SYCP2: variants seen among roughly 807,000 people sequenced by gnomAD.
The protein encoded by SYCP2 is synaptonemal complex protein 2.
In SYCP2, 55 loss-of-function variants were observed where a neutral mutation model predicts 211.3. The ratio of observed to expected loss-of-function variants is 0.26; its 90% CI spans 0.21 to 0.33. SYCP2 has a LOEUF of 0.33. Ranked by LOEUF, SYCP2 falls within the 10% of genes least tolerant of loss-of-function variation. The probability of loss-of-function intolerance (pLI) is 1.00; values close to 1 mark genes in which losing one functional copy is unlikely to be tolerated. For missense variants in SYCP2, 1,731 were observed against 1,752.0 expected, an observed-to-expected ratio of 0.99 and a Z score of 0.21; for synonymous variants, 570 against 555.2, an observed-to-expected ratio of 1.03 and a Z score of -0.37.
At chr20:59,931,417 C>T (rs1220041587) in intron 2 of SYCP2, among the ~76,000 whole-genome samples, 3 of 152,176 alleles carry the variant, frequency 2.0e-5, no homozygotes, top group Non-Finnish European at 2.9e-5. Context: ...CATAGCCATA[C>T]ATGTAGTTTT....
chr20:59,866,902 C>T lies in SYCP2; in HGVS notation c.4126-313G>A, dbSNP rs374483986. On this transcript the variant is annotated intron_variant, in intron 39 of 44. Coordinates refer to ENST00000357552, the MANE Select transcript of SYCP2 (RefSeq NM_014258.4). ...CTTCAAAGACACAGCCTAAAAGTCA[C>T]ACTCAGAATTTTTTAAAACCATTTT... 7.4e-5 allele frequency among the ~76,000 whole-genome samples: 11 copies of T among 149,202 alleles called. No homozygotes were observed. The East Asian group carries it at 2.2e-3, about 30-fold the overall frequency.
chr20:59,919,564 T>C lies in SYCP2; in HGVS notation c.331A>G (p.Ile111Val), dbSNP rs1251768010. ...TCTTTTGAATTTCCTTGACTCTGAATAATGTCCTTGGATTTTTCAAACCAG... is the reference window on the plus strand; with the variant it reads ...TCTTTTGAATTTCCTTGACTCTGAACAATGTCCTTGGATTTTTCAAACCAG... The part of the protein sequence containing the change: ...VAWFEKSKDI[I>V]QSQGNSKDEA... Residue 111 changes from isoleucine (I) to valine (V), a missense_variant, in exon 6 of 45, where the codon ATT (isoleucine) becomes GTT (valine). Coordinates refer to ENST00000357552, the MANE Select transcript of SYCP2 (RefSeq NM_014258.4). 6.2e-7 allele frequency: 1 copy of C among 1,610,012 alleles called. No homozygotes were observed. Among genetic ancestry groups the C allele is most frequent in the Admixed American group, 1.7e-5 (1 of 59,584 alleles).
chr20:59,881,905 C>T lies in SYCP2; in HGVS notation c.2658+40G>A, dbSNP rs758195217. On this transcript the variant is annotated intron_variant, in intron 28 of 44. Coordinates refer to ENST00000357552, the MANE Select transcript of SYCP2 (RefSeq NM_014258.4). ...TAACTGCATGGTAAATGCAATGTAA[C>T]TTCTGAGTAAATACAAAGTATCTTG... 23 of 1,523,344 alleles carry T rather than the reference C, an allele frequency of 1.5e-5. No homozygotes were observed. The South Asian group carries it at 2.5e-4, about 17-fold the overall frequency. 94.4% of individuals were successfully genotyped at this position (1,523,344 alleles called of 1,614,324 possible). A position where few individuals can be genotyped will look rare whatever the true frequency, so the allele number is the denominator to read the frequency against.
Position 59,892,138 on chromosome 20 carries a change from T to C in SYCP2, c.2216A>G (p.Tyr739Cys), listed in dbSNP as rs367901105. 3.8e-5 allele frequency: 61 copies of C among 1,612,102 alleles called. No homozygotes were observed. Among genetic ancestry groups the C allele is most frequent in the Non-Finnish European group, 4.9e-5 (58 of 1,178,978 alleles). The change falls in exon 24 of 45, where the codon TAT becomes TGT. Residue 739 changes from tyrosine (Y) to cysteine (C), a missense_variant. Coordinates refer to ENST00000357552, the MANE Select transcript of SYCP2 (RefSeq NM_014258.4). The part of the protein sequence containing the change: ...LNKTIEESLI[Y>C]RKKYILSKDV... ...TTTTGACAATATGTATTTCTTCCTA[T>C]ATATCAGCGATTCTTCAATTGTCTT... is the stretch of plus-strand genomic sequence containing the variant.
rs756185737 is a variant in SYCP2 at position 59,892,444 on chromosome 20, AAATT to A, written c.1928-22_1928-19del. On this transcript the variant is annotated intron_variant, in intron 23 of 44. Coordinates refer to ENST00000357552, the MANE Select transcript of SYCP2 (RefSeq NM_014258.4). The stretch of plus-strand genomic sequence containing the variant: ...AACAATATCTATTGGGGAAAATGAG[AAATT>A]AATTCTTTTTAAATTAATAAGTTGA... The A allele has an allele frequency of 8.2e-6, 12 of 1,462,520 alleles. No individual in the cohort carries two copies. Among genetic ancestry groups the A allele is most frequent in the Middle Eastern group, 1.8e-4 (1 of 5,466 alleles). 90.6% of individuals were successfully genotyped at this position (1,462,520 alleles called of 1,614,324 possible).
intron 24 of SYCP2, among the ~76,000 whole-genome samples, chr20:59,889,959 G>A (rs2059872481): frequency 1.3e-5 from 2 of 152,186 alleles, no homozygotes; most frequent in South Asian, 4.1e-4. Context: ...ACTGTTGGGA[G>A]TGTAAATTTG....
chr20:59,866,540 G>A lies in SYCP2; in HGVS notation c.4175C>T (p.Ala1392Val), dbSNP rs1360684050. ...ATTCATTGTTCTCAGATGTTGCTGA[G>A]CTGTTTTCCAAGACTGCGTAGTAAA... ...SYFTTQSWKT[A>V]QQHLRTMNHQ... The change falls in exon 40 of 45, where the codon GCT (alanine) becomes GTT (valine). Residue 1392 changes from alanine (A) to valine (V), a missense_variant. This residue lies in a region of SYCP2 where 1,387 missense variants were observed against 1,351.3 expected (regional missense o/e 1.03). Coordinates refer to ENST00000357552, the MANE Select transcript of SYCP2 (RefSeq NM_014258.4). 3 of 1,606,924 alleles carry A rather than the reference G, an allele frequency of 1.9e-6. No individual in the cohort carries two copies. The highest frequency in any genetic ancestry group is 2.5e-6 in the Non-Finnish European group (3 of 1,177,472).
Position 59,915,193 on chromosome 20 carries a change from A to C in SYCP2, c.606T>G (p.Ser202Arg). The C allele has an allele frequency of 6.3e-7, 1 of 1,579,238 alleles. No homozygotes were observed. The highest frequency in any genetic ancestry group is 8.7e-7 in the Non-Finnish European group (1 of 1,150,172). Reference protein sequence around the residue: ...SNQEMLILMSSMGERILDAGD... With the variant: ...SNQEMLILMSRMGERILDAGD... ...CAGCATCTAAAATCCTTTCTCCCAT[A>C]CTACTCCTGTGAATTAAAATAACAG... is the stretch of plus-strand genomic sequence containing the variant. Residue 202 changes from serine to arginine, a missense_variant, in exon 10 of 45, where the codon AGT becomes AGG. Physicochemically the swap from Ser to Arg is moderately radical, Grantham distance 110. This residue lies in a region of SYCP2 where 335 missense variants were observed against 378.8 expected (regional missense o/e 0.88). Transcript: ENST00000357552.
chr20:59,890,849 C>A (rs556231971), intron 24 of SYCP2, among the ~76,000 whole-genome samples: 56 of 151,806 alleles, frequency 3.7e-4, no homozygotes, highest in Admixed American at 1.4e-3. Context: ...AAAGACAGAT[C>A]TTTGTTCGGA....
Position 59,912,407 on chromosome 20 carries a change from A to C in SYCP2, c.842T>G (p.Phe281Cys). 9.2e-7 allele frequency: 1 copy of C among 1,081,652 alleles called. No homozygotes were observed. Among genetic ancestry groups the C allele is most frequent in the Non-Finnish European group, 1.3e-6 (1 of 748,760 alleles). The allele number at this position is 1,081,652 out of a possible 1,614,324, so 67.0% of individuals were successfully genotyped here. A position where few individuals can be genotyped will look rare whatever the true frequency, so the allele number is the denominator to read the frequency against. The change falls in exon 13 of 45, where the codon TTT becomes TGT. Residue 281 changes from phenylalanine to cysteine, a missense_variant. By Grantham distance (205) the Phe-to-Cys change is radical. Around this residue, in one of 3 missense-constraint regions of SYCP2, gnomAD observed 335 missense variants for 378.8 expected, o/e 0.88. Coordinates refer to ENST00000357552, the MANE Select transcript of SYCP2 (RefSeq NM_014258.4). ...MLGDKRRVFT[F>C]PCLSAFLDKY... Reference sequence around the variant, plus strand: ...ATCAAGAAATGCTGATAAACAAGGAAATGTAAAGACCCTGAAATAAAAAGT... The same window carrying C: ...ATCAAGAAATGCTGATAAACAAGGACATGTAAAGACCCTGAAATAAAAAGT...
chr20:59,865,159 AT>A lies in SYCP2; in HGVS notation c.4515+228del, dbSNP rs2059304503. Among the ~76,000 whole-genome samples the A allele has an allele frequency of 2.0e-5, 3 of 152,110 alleles. No individual in the cohort carries two copies. The South Asian group carries it at 6.2e-4, about 32-fold the overall frequency. ...AATCATTCTTTCAGATAATTTTTCA[AT>A]TTGCAAATTTATATTCTCTTTTACT... On this transcript the variant is annotated intron_variant, in intron 44 of 44. Coordinates refer to ENST00000357552, the MANE Select transcript of SYCP2 (RefSeq NM_014258.4).
At chr20:59,879,816 TAA>T (rs2059632654) in intron 31 of SYCP2, among the ~76,000 whole-genome samples, 1 of 26,970 alleles carries the variant, frequency 3.7e-5, no homozygotes, top group African/African-American at 2.8e-4. Flanking sequence ...TTAGTAAATA[TAA>T]ATAAATATAT....
At position 59,869,597 on chromosome 20, in the gene SYCP2, T is replaced by G. The variant is rs1474769533; in HGVS notation, c.3741+201A>C. On this transcript the variant is annotated intron_variant, in intron 36 of 44. Transcript: ENST00000357552. ...ACTATTTAAGACCTTACTACTCTCA[T>G]TTTAAAAGTTTCAACTTTCTTCTAT... Among the ~76,000 whole-genome samples, 6 of 151,792 alleles carry G rather than the reference T, an allele frequency of 4.0e-5. No homozygotes were observed. The South Asian group carries it at 6.2e-4, about 16-fold the overall frequency.
intron 7 of SYCP2, among the ~76,000 whole-genome samples, 160 bp from the exon 8 acceptor site, chr20:59,916,731 G>C (rs2060449825): frequency 6.6e-6 from 1 of 152,064 alleles, no homozygotes; most frequent in Admixed American, 6.5e-5. Context: ...CTTGAGCCCA[G>C]GAGTTTGAGA....
intron 8 of SYCP2, among the ~76,000 whole-genome samples, 169 bp downstream of exon 8, chr20:59,916,317 A>C (rs1382766863): frequency 6.6e-6 from 1 of 152,196 alleles, no homozygotes; most frequent in Non-Finnish European, 1.5e-5. Context: ...CCATATGGTT[A>C]TAAATTTTCA....
intron 39 of SYCP2, among the ~76,000 whole-genome samples, chr20:59,866,907 A>G (rs2059348314): frequency 6.6e-6 from 1 of 151,288 alleles, no homozygotes; most frequent in Non-Finnish European, 1.5e-5. Flanking sequence ...AGTCACACTC[A>G]GAATTTTTTA....
intron 33 of SYCP2, 137 bp downstream of exon 33, chr20:59,877,248 A>G: frequency 1.4e-6 from 1 of 695,750 alleles, no homozygotes; most frequent in Admixed American, 4.1e-5. Context: ...GCAAATTTCT[A>G]GAATTATTAT....
chr20:59,886,442 A>G (rs1342641102), intron 25 of SYCP2, among the ~76,000 whole-genome samples: 1 of 152,054 alleles, frequency 6.6e-6, no homozygotes, highest in Non-Finnish European at 1.5e-5. Context: ...TCTACATCCT[A>G]AAGATTTTTA....
intron 2 of SYCP2, among the ~76,000 whole-genome samples, chr20:59,929,466 C>G (rs1227427863): frequency 6.6e-6 from 1 of 152,102 alleles, no homozygotes; most frequent in East Asian, 1.9e-4. Flanking sequence ...AGCATTTCTT[C>G]TAATATCAAG....
Sources: gnomAD v4.1 joint callset for allele counts (sites outside exome capture counted in the v4.1 genomes callset) on GRCh38, gnomAD v4.1.1 for gene constraint, gnomAD v4.1.1 regional missense constraint, MANE v1.5 for transcripts, NCBI Gene and HGNC (gene_info 2026-07-23, HGNC 2026-07-21) for gene names.